Variants in CCDC18 observed in about 807,000 individuals in gnomAD.
CCDC18 encodes the protein coiled-coil domain containing 18.
CCDC18 carries 157 observed loss-of-function variants against 196.0 expected under a neutral mutation model. That is an observed-to-expected ratio of 0.80 (90% CI 0.70 to 0.91). The LOEUF is 0.91. Ranked by LOEUF, CCDC18 falls within the 40% of genes least tolerant of loss-of-function variation. The probability of loss-of-function intolerance (pLI) is 0.00; values close to 1 mark genes in which losing one functional copy is unlikely to be tolerated. For missense variants in CCDC18, 1,465 were observed against 1,611.6 expected (o/e 0.91, Z 1.56); for synonymous variants, 482 against 529.2 (o/e 0.91, Z 1.22).
rs770822984 is a variant in CCDC18 at position 93,239,429 on chromosome 1, T to C, written c.2723T>C (p.Ile908Thr). The C allele has an allele frequency of 6.2e-7, 1 of 1,612,878 alleles. No individual in the cohort carries two copies. The highest frequency in any genetic ancestry group is 1.7e-5 in the Admixed American group (1 of 59,780). The stretch of plus-strand genomic sequence containing the variant: ...ATGCACCTCTCTCAATTAGATATGA[T>C]CTTAGATCAGACAAAGACAGAGCTA... The part of the protein sequence containing the change: ...KAMHLSQLDM[I>T]LDQTKTELEK... The change falls in exon 20 of 29, where the codon ATC becomes ACC. Residue 908 changes from isoleucine (I) to threonine (T), a missense_variant. By Grantham distance (89) the Ile-to-Thr change is moderately conservative (BLOSUM62 -1). Coordinates refer to ENST00000690025, the MANE Select transcript of CCDC18 (RefSeq NM_001378204.1).
chr1:93,242,500 C>G (rs1331136405), intron 21 of CCDC18, among the ~76,000 whole-genome samples: 1 of 152,202 alleles, frequency 6.6e-6, no homozygotes, highest in East Asian at 1.9e-4. Context: ...GATGGGGTCA[C>G]AGCCAAACTG....
chr1:93,236,452 A>G, intron 19 of CCDC18, 62 bp downstream of exon 19: 1 of 1,485,398 alleles, frequency 6.7e-7, no homozygotes, highest in Non-Finnish European at 9.1e-7. Flanking sequence ...CTGAGTTTTG[A>G]AATCAGATAA....
At chr1:93,263,412 T>A (rs780943420) in intron 26 of CCDC18, among the ~76,000 whole-genome samples, 34 of 152,102 alleles carry the variant, frequency 2.2e-4, no homozygotes, top group Non-Finnish European at 4.3e-4. Context: ...CTGTACACTT[T>A]CACAAAAGCC....
Position 93,198,924 on chromosome 1 carries a change from G to T in CCDC18, c.699-2968G>T, listed in dbSNP as rs140295862. Among the ~76,000 whole-genome samples, 696 of 152,302 alleles carry T rather than the reference G, an allele frequency of 4.6e-3. 2 individuals carry two copies. The highest frequency in any genetic ancestry group is 8.7e-3 in the Non-Finnish European group (591 of 68,026). On this transcript the variant is annotated intron_variant, in intron 6 of 28. Coordinates refer to ENST00000690025, the MANE Select transcript of CCDC18 (RefSeq NM_001378204.1). ...GGCCTCCTAAAGTGCAAGTATTATAGGCATGAGCCACTGTGCCTGGCTTTA... is the reference window on the plus strand; with the variant it reads ...GGCCTCCTAAAGTGCAAGTATTATATGCATGAGCCACTGTGCCTGGCTTTA...
intron 24 of CCDC18, among the ~76,000 whole-genome samples, chr1:93,254,889 G>A (rs1454588302): frequency 1.4e-5 from 2 of 144,658 alleles, no homozygotes; most frequent in African/African-American, 5.1e-5. Flanking sequence ...ATGCTTATTT[G>A]GTTGACAAAT....
chr1:93,221,746 A>T lies in CCDC18; in HGVS notation c.2097+3A>T, dbSNP rs891069181. 4.4e-6 allele frequency: 7 copies of T among 1,597,244 alleles called. No homozygotes were observed. The highest frequency in any genetic ancestry group is 6.0e-6 in the Non-Finnish European group (7 of 1,175,792). ...GACTCTTGACGGAAAGCAAAGGGGT[A>T]AAATCATCCTTATAAAAGTGCTATT... On this transcript the variant is annotated splice_donor_region_variant and intron_variant, in intron 15 of 28. Coordinates refer to ENST00000690025, the MANE Select transcript of CCDC18 (RefSeq NM_001378204.1).
chr1:93,190,179 GC>G (rs1651492188), intron 4 of CCDC18, among the ~76,000 whole-genome samples: 1 of 151,672 alleles, frequency 6.6e-6, no homozygotes, highest in South Asian at 2.1e-4. Flanking sequence ...TTTTGTTTAG[GC>G]CTCTGACTTT....
rs191814946 is a variant in CCDC18, at chr1:93,278,520, T to C, written c.*43T>C. ...TGTGTTGAAAAAATGGAATTTTTGG[T>C]ACTGTGCTGTTTACTTATTATATGT... On this transcript the variant is annotated 3_prime_UTR_variant, in exon 29 of 29. Transcript: ENST00000690025. The C allele has an allele frequency of 3.7e-4, 445 of 1,204,496 alleles. 2 individuals are homozygous for C. The East Asian group carries it at 0.012, about 32-fold the overall frequency. 74.6% of individuals were successfully genotyped at this position (1,204,496 alleles called of 1,614,324 possible).
At chr1:93,217,604 A>AT (rs1457530690) in intron 13 of CCDC18, 134 bp from the exon 14 acceptor site, 18 of 677,648 alleles carry the variant, frequency 2.7e-5, no homozygotes, top group Non-Finnish European at 4.3e-5. Context: ...TACTTAGCTA[A>AT]TTTTTTGTAT....
chr1:93,205,525 G>C lies in CCDC18; in HGVS notation c.811G>C (p.Glu271Gln), dbSNP rs1386032806. ...EKLEKVQAEEEILERNLTNCE... is the reference protein window; with the variant it reads ...EKLEKVQAEEQILERNLTNCE... The stretch of plus-strand genomic sequence containing the variant: ...ATTGTTTTAGGTTCAAGCTGAAGAA[G>C]AAATATTAGAGAGAAATCTAACTAA... Residue 271 changes from glutamate (E) to glutamine (Q), a missense_variant, in exon 8 of 29, where the codon GAA becomes CAA. By Grantham distance (29) the Glu-to-Gln change is conservative. Coordinates refer to ENST00000690025, the MANE Select transcript of CCDC18 (RefSeq NM_001378204.1). 2 of 1,588,666 alleles carry C rather than the reference G, an allele frequency of 1.3e-6. No homozygotes were observed. The highest frequency in any genetic ancestry group is 3.6e-5 in the Admixed American group (2 of 55,352).
At chr1:93,227,660 A>G (rs988787321) in intron 17 of CCDC18, among the ~76,000 whole-genome samples, 16 of 152,064 alleles carry the variant, frequency 1.1e-4, no homozygotes, top group African/African-American at 3.6e-4. Context: ...ATCTTCATCA[A>G]GGTTGACTTT....
At position 93,202,316 on chromosome 1, in the gene CCDC18, G is replaced by A. The variant is rs536067727; in HGVS notation, c.795+328G>A. Among the ~76,000 whole-genome samples the A allele has an allele frequency of 8.5e-5, 13 of 152,304 alleles. No homozygotes were observed. In the South Asian group the frequency reaches 2.7e-3, roughly 32 times the overall value. On this transcript the variant is annotated intron_variant, in intron 7 of 28. Coordinates refer to ENST00000690025, the MANE Select transcript of CCDC18 (RefSeq NM_001378204.1). ...TCATTTTTATCACTTCAATGAAAAT[G>A]AAGATAGATTATGTAGCTTTCAACT...
intron 11 of CCDC18, 64 bp from the exon 12 acceptor site, chr1:93,214,679 C>G: frequency 8.8e-7 from 1 of 1,133,128 alleles, no homozygotes; most frequent in African/African-American, 1.6e-5. Flanking sequence ...AATCTTTCAA[C>G]TATTTAAGTA....
intron 9 of CCDC18, among the ~76,000 whole-genome samples, chr1:93,209,115 T>C (rs898485168): frequency 6.6e-6 from 1 of 152,098 alleles, no homozygotes; most frequent in African/African-American, 2.4e-5. Flanking sequence ...TGTGCCACCA[T>C]GCCCAGCTAA....
At position 93,271,182 on chromosome 1, in the gene CCDC18, C is replaced by T. The variant is rs548453526; in HGVS notation, c.4353+368C>T. ...TCTGAGGTGAATGTTCTCATAACTT[C>T]GTCATAATTTACTGTTCATTTGGGC... On this transcript the variant is annotated intron_variant, in intron 28 of 28. Coordinates refer to ENST00000690025, the MANE Select transcript of CCDC18 (RefSeq NM_001378204.1). 7.6e-5 allele frequency: 75 copies of T among 985,244 alleles called. No homozygotes were observed. The East Asian group carries it at 2.4e-3, about 31-fold the overall frequency. The allele number at this position is 985,244 out of a possible 1,614,324, so 61.0% of individuals were successfully genotyped here.
chr1:93,251,864 T>G (rs1431315449), intron 23 of CCDC18, among the ~76,000 whole-genome samples: 1 of 152,220 alleles, frequency 6.6e-6, no homozygotes, highest in Non-Finnish European at 1.5e-5. Context: ...AAAAGCTTTC[T>G]ACCCCTTTGT....
rs1187508653 is a variant in CCDC18 at position 93,205,600 on chromosome 1, A to G, written c.886A>G (p.Ser296Gly). ...ACAAGAAAGGTGTGGTCTATATAAA[A>G]GTGAACTTGAAATTCTGAAAGAGAA... ...RLQERCGLYK[S>G]ELEILKEKLR... The change falls in exon 8 of 29, where the codon AGT (serine) becomes GGT (glycine). Residue 296 changes from serine (S) to glycine (G), a missense_variant. Ser to Gly is a moderately conservative substitution (Grantham distance 56). Transcript: ENST00000690025. 6.3e-7 allele frequency: 1 copy of G among 1,595,676 alleles called. No individual in the cohort carries two copies. The highest frequency in any genetic ancestry group is 8.5e-7 in the Non-Finnish European group (1 of 1,172,154).
chr1:93,207,166 A>C lies in CCDC18; in HGVS notation c.977A>C (p.Asn326Thr), dbSNP rs2815413. ...KEKLRIMAVK[N>T]SEVMAQLTES... is the part of the protein sequence containing the mutation. ...AAATTAAGGATCATGGCAGTGAAAA[A>C]TTCAGAAGTCATGGCACAACTAACT... is the stretch of plus-strand genomic sequence containing the variant. Residue 326 changes from asparagine (N) to threonine (T), a missense_variant, in exon 9 of 29, where the codon AAT becomes ACT. Physicochemically the swap from Asn to Thr is moderately conservative, Grantham distance 65. Transcript: ENST00000690025. The C allele has an allele frequency of 0.81, 1,298,670 of 1,601,230 alleles. 536,019 individuals carry two copies. The highest frequency in any genetic ancestry group is 0.96 in the East Asian group (42,859 of 44,692).
chr1:93,215,492 TG>T (rs1656344654), intron 12 of CCDC18, among the ~76,000 whole-genome samples: 1 of 151,600 alleles, frequency 6.6e-6, no homozygotes, highest in Non-Finnish European at 1.5e-5. Flanking sequence ...GGTCTTGCTC[TG>T]TTGCCCAGTC....
Sources: allele counts gnomAD v4.1 joint callset (sites outside exome capture counted in the v4.1 genomes callset), GRCh38; gene constraint gnomAD v4.1.1; transcripts MANE v1.5; gene names NCBI Gene and HGNC (gene_info 2026-07-23, HGNC 2026-07-21).